Variants in KCNJ13 observed in about 807,000 individuals in gnomAD.
KCNJ13 encodes the protein inward rectifier potassium channel 13.
In KCNJ13, 9 loss-of-function variants were observed where a neutral mutation model predicts 24.6. The ratio of observed to expected loss-of-function variants is 0.37; its 90% confidence interval spans 0.22 to 0.64. KCNJ13 has a LOEUF of 0.64. KCNJ13 is among the 30% of genes least tolerant of loss of function. The pLI is 0.64. For missense variants in KCNJ13, 337 were observed against 443.8 expected, an observed-to-expected ratio of 0.76 and a Z score of 2.16; for synonymous variants, 148 against 154.7, an observed-to-expected ratio of 0.96 and a Z score of 0.32.
At chr2:232,771,924 A>G (rs753706264) in intron 1 of KCNJ13, among the ~76,000 whole-genome samples, 39 of 152,290 alleles carry the variant, frequency 2.6e-4, no homozygotes, top group Non-Finnish European at 4.3e-4. Flanking sequence ...ATTTGTGGTA[A>G]GCTTTTAGAG....
rs1699073269 is a variant in KCNJ13 at position 232,768,508 on chromosome 2, G to A, written c.766C>T (p.Leu256=). 6.2e-7 allele frequency: 1 copy of A among 1,614,128 alleles called. No individual in the cohort carries two copies. Residue 256 remains leucine (L), a synonymous_variant, in exon 3 of 3, where the codon CTG becomes TTG. Coordinates refer to ENST00000233826, the MANE Select transcript of KCNJ13 (RefSeq NM_002242.4). The part of the protein sequence containing the change: ...SITPSSPLAT[L]LQHENPSHFE... ...TGAGAAGGATTTTCATGCTGGAGCA[G>A]AGTAGCCAGAGGACTTGATGGTGTA...
Position 232,767,242 on chromosome 2 carries a change from T to C in KCNJ13, c.*949A>G, listed in dbSNP as rs1365207374. 4 of 152,208 alleles carry C rather than the reference T, an allele frequency of 2.6e-5. No individual in the cohort carries two copies. Among genetic ancestry groups the C allele is most frequent in the Non-Finnish European group, 2.9e-5 (2 of 68,036 alleles). 9.4% of individuals were successfully genotyped at this position (152,208 alleles called of 1,614,324 possible). A position where few individuals can be genotyped will look rare whatever the true frequency, so the allele number is the denominator to read the frequency against. Reference sequence around the variant, plus strand: ...TGTTGCCTAATTATCTTTTGCTTTATCTACTGTAGATTTTTTTCCCTACTC... The same window carrying C: ...TGTTGCCTAATTATCTTTTGCTTTACCTACTGTAGATTTTTTTCCCTACTC... On this transcript the variant is annotated 3_prime_UTR_variant, in exon 3 of 3. Coordinates refer to ENST00000233826, the MANE Select transcript of KCNJ13 (RefSeq NM_002242.4).
At chr2:232,773,543 A>G (rs184924307) in intron 1 of KCNJ13, among the ~76,000 whole-genome samples, 20 of 152,274 alleles carry the variant, frequency 1.3e-4, no homozygotes, top group East Asian at 9.6e-4. Flanking sequence ...TGCATTCTCA[A>G]GAAGGTCTTT....
At position 232,768,310 on chromosome 2, in the gene KCNJ13, C is replaced by T; in HGVS notation, c.964G>A (p.Val322Ile). The change falls in exon 3 of 3, where the codon GTC (valine) becomes ATC (isoleucine). Residue 322 changes from valine (V) to isoleucine (I), a missense_variant. Val to Ile is a conservative substitution (Grantham distance 29). Coordinates refer to ENST00000233826, the MANE Select transcript of KCNJ13 (RefSeq NM_002242.4). Reference protein sequence around the residue: ...QIKMENFDKTVPEFPTPLVSK... With the variant: ...QIKMENFDKTIPEFPTPLVSK... ...ACCAGAGGAGTTGGAAATTCAGGGA[C>T]AGTCTTGTCAAAATTCTCCATCTTG... 1 of 1,614,174 alleles carries T rather than the reference C, an allele frequency of 6.2e-7. No individual in the cohort carries two copies. Among genetic ancestry groups the T allele is most frequent in the East Asian group, 2.2e-5 (1 of 44,888 alleles).
Position 232,766,030 on chromosome 2 carries a change from G to A in KCNJ13, c.*2161C>T, listed in dbSNP as rs1268831924. Reference sequence around the variant, plus strand: ...GCAGAGCAGCCATTCCTCCCTCCCAGTAATTTCCGCCCTTTTTCCATTGTT... The same window carrying A: ...GCAGAGCAGCCATTCCTCCCTCCCAATAATTTCCGCCCTTTTTCCATTGTT... On this transcript the variant is annotated 3_prime_UTR_variant, in exon 3 of 3. Coordinates refer to ENST00000233826, the MANE Select transcript of KCNJ13 (RefSeq NM_002242.4). The A allele has an allele frequency of 8.5e-6, 4 of 470,892 alleles. No homozygotes were observed. The highest frequency in any genetic ancestry group is 1.8e-5 in the Non-Finnish European group (4 of 226,984). 29.2% of individuals were successfully genotyped at this position (470,892 alleles called of 1,614,324 possible). A position where few individuals can be genotyped will look rare whatever the true frequency, so the allele number is the denominator to read the frequency against.
intron 2 of KCNJ13, among the ~76,000 whole-genome samples, chr2:232,769,781 A>C (rs1699154939): frequency 6.6e-6 from 1 of 152,176 alleles, no homozygotes; most frequent in African/African-American, 2.4e-5. Flanking sequence ...TAAAAGTAAA[A>C]TATAAAAGAA....
chr2:232,775,047 C>A (rs528561765), intron 1 of KCNJ13, among the ~76,000 whole-genome samples: 1 of 151,750 alleles, frequency 6.6e-6, no homozygotes, highest in East Asian at 1.9e-4. Flanking sequence ...GGCTGATAAT[C>A]GGAACAGTTA....
chr2:232,770,494 A>C (rs1699191295), intron 2 of KCNJ13, among the ~76,000 whole-genome samples: 1 of 152,236 alleles, frequency 6.6e-6, no homozygotes, highest in Non-Finnish European at 1.5e-5. Flanking sequence ...AAGAAAAAAA[A>C]CCAAATTCTT....
rs752987924 is a variant in KCNJ13 at position 232,768,382 on chromosome 2, A to G, written c.892T>C (p.Cys298Arg). 6.2e-7 allele frequency: 1 copy of G among 1,614,174 alleles called. No homozygotes were observed. The highest frequency in any genetic ancestry group is 1.7e-5 in the Admixed American group (1 of 60,020). Reference sequence around the variant, plus strand: ...CCTCGGGTCAACAGAGATGCAAAACAGTGATGTAACATGATTTCAGACGGT... The same window carrying G: ...CCTCGGGTCAACAGAGATGCAAAACGGTGATGTAACATGATTTCAGACGGT... ...YLPSEIMLHH[C>R]FASLLTRGSK... The change falls in exon 3 of 3, where the codon TGT becomes CGT. Residue 298 changes from cysteine to arginine, a missense_variant. Coordinates refer to ENST00000233826, the MANE Select transcript of KCNJ13 (RefSeq NM_002242.4).
chr2:232,769,285 C>G lies in KCNJ13; in HGVS notation c.461-472G>C, dbSNP rs184771051. On this transcript the variant is annotated intron_variant, in intron 2 of 2. Transcript: ENST00000233826. ...GTGTCTCACGCCTGTAATCCCGGCA[C>G]TTTGGGAGCCCGAGGCGGGCGGGTC... Among the ~76,000 whole-genome samples, 39 of 152,154 alleles carry G rather than the reference C, an allele frequency of 2.6e-4. No homozygotes were observed. The East Asian group carries it at 5.4e-3, about 21-fold the overall frequency.
rs746501620 is a variant in KCNJ13 at position 232,768,776 on chromosome 2, T to C, written c.498A>G (p.Arg166=). 3.1e-6 allele frequency: 5 copies of C among 1,601,302 alleles called. No homozygotes were observed. The highest frequency in any genetic ancestry group is 1.1e-5 in the South Asian group (1 of 90,314). Residue 166 remains arginine (R), a synonymous_variant, in exon 3 of 3, where the codon CGA becomes CGG. Transcript: ENST00000233826. ...TGTCAGTAAAGCGAATTGAAAAAGC[T>C]CGATTTTTTGGCCGGGCAATCTTCG... ...FVAKIARPKN[R]AFSIRFTDTA...
intron 2 of KCNJ13, among the ~76,000 whole-genome samples, chr2:232,770,280 T>C (rs981089063): frequency 1.3e-5 from 2 of 152,232 alleles, no homozygotes; most frequent in African/African-American, 4.8e-5. Flanking sequence ...AAAAGGGCAC[T>C]AGTCCTCCTT....
At chr2:232,773,910 TA>T (rs61323973) in intron 1 of KCNJ13, among the ~76,000 whole-genome samples, 1,781 of 112,776 alleles carry the variant, frequency 0.016, 39 homozygotes, top group African/African-American at 0.048. Flanking sequence ...TGTCTCTATT[TA>T]AAAAAAAAAA....
In KCNJ13 at chr2:232,776,499, A is replaced by G. The variant is rs749368414; in HGVS notation, c.-71T>C. On this transcript the variant is annotated 5_prime_UTR_variant, in exon 1 of 3. Transcript: ENST00000233826. ...CAAGGTAGGTCTTAAGGAAATTTAC[A>G]GAGTCTGCCTTTTTGATCAGATAAT... The G allele has an allele frequency of 1.1e-5, 13 of 1,220,094 alleles. No individual in the cohort carries two copies. Among genetic ancestry groups the G allele is most frequent in the Admixed American group, 1.9e-5 (1 of 51,490 alleles). 75.6% of individuals were successfully genotyped at this position (1,220,094 alleles called of 1,614,324 possible). A position where few individuals can be genotyped will look rare whatever the true frequency, so the allele number is the denominator to read the frequency against.
In KCNJ13 at chr2:232,766,003, A is replaced by G. The variant is rs1207013505; in HGVS notation, c.*2188T>C. ...AGGTTAGTGAGCTGCACATCCAGAA[A>G]GGCAGAGCAGCCATTCCTCCCTCCC... On this transcript the variant is annotated 3_prime_UTR_variant, in exon 3 of 3. Coordinates refer to ENST00000233826, the MANE Select transcript of KCNJ13 (RefSeq NM_002242.4). The G allele has an allele frequency of 1.5e-5, 7 of 470,990 alleles. No homozygotes were observed. The East Asian group carries it at 2.8e-4, about 19-fold the overall frequency. 29.2% of individuals were successfully genotyped at this position (470,990 alleles called of 1,614,324 possible).
Position 232,765,846 on chromosome 2 carries a change from A to T in KCNJ13, c.*2345T>A. 2.2e-6 allele frequency: 1 copy of T among 456,008 alleles called. No homozygotes were observed. The highest frequency in any genetic ancestry group is 3.7e-4 in the Middle Eastern group (1 of 2,720). 28.2% of individuals were successfully genotyped at this position (456,008 alleles called of 1,614,324 possible). A position where few individuals can be genotyped will look rare whatever the true frequency, so the allele number is the denominator to read the frequency against. On this transcript the variant is annotated 3_prime_UTR_variant, in exon 3 of 3. Transcript: ENST00000233826. ...ACTAGGCCCCTGAGATTTTTAGGTA[A>T]CGACATGCCTCCAGTTTGTTGAAAC...
At position 232,771,341 on chromosome 2, in the gene KCNJ13, C is replaced by G. The variant is rs757516316; in HGVS notation, c.22G>C (p.Val8Leu). 8.1e-6 allele frequency: 13 copies of G among 1,612,800 alleles called. No individual in the cohort carries two copies. In the Admixed American group the frequency reaches 2.0e-4, roughly 25 times the overall value. MDSSNCK[V>L]IAPLLSQRYR... is the part of the protein sequence containing the mutation. Reference sequence around the variant, plus strand: ...CTTTGACTTAGGAGAGGAGCAATAACTTTGCAATTACTGCTGTCCATCTCA... The same window carrying G: ...CTTTGACTTAGGAGAGGAGCAATAAGTTTGCAATTACTGCTGTCCATCTCA... Residue 8 changes from valine (V) to leucine (L), a missense_variant, in exon 2 of 3, where the codon GTT becomes CTT. By Grantham distance (32) the Val-to-Leu change is conservative (BLOSUM62 1). Around this residue, in one of 3 missense-constraint regions of KCNJ13, gnomAD observed 101 missense variants for 139.2 expected, o/e 0.73. Coordinates refer to ENST00000233826, the MANE Select transcript of KCNJ13 (RefSeq NM_002242.4).
chr2:232,776,381 CCAGT>C (rs1327916502), intron 1 of KCNJ13, 60 bp downstream of exon 1: 17 of 1,267,216 alleles, frequency 1.3e-5, no homozygotes, highest in Non-Finnish European at 1.9e-5. Context: ...TTGCTATTTG[CCAGT>C]CAGTTTCTTT....
At position 232,769,542 on chromosome 2, in the gene KCNJ13, AATTTTTAAACTTTGAAACGT is replaced by A. The variant is rs371029406; in HGVS notation, c.461-749_461-730del. Among the ~76,000 whole-genome samples, 738 of 151,556 alleles carry A rather than the reference AATTTTTAAACTTTGAAACGT, an allele frequency of 4.9e-3. 11 individuals carry two copies. The highest frequency in any genetic ancestry group is 0.017 in the African/African-American group (717 of 41,336). ...AAAAAAAAAAAGTGATATTTTGAAG[AATTTTTAAACTTTGAAACGT>A]ATTTTTAAACTTTGAAACTCAGAAA... On this transcript the variant is annotated intron_variant, in intron 2 of 2. Transcript: ENST00000233826.
Sources: gnomAD v4.1 joint callset for allele counts (sites outside exome capture counted in the v4.1 genomes callset) on GRCh38, gnomAD v4.1.1 for gene constraint, gnomAD v4.1.1 regional missense constraint, MANE v1.5 for transcripts, NCBI Gene and HGNC (gene_info 2026-07-23, HGNC 2026-07-21) for gene names.